EHBP1: variants seen among roughly 807,000 people sequenced by gnomAD.
EHBP1 encodes the protein EH domain binding protein 1.
In EHBP1, 55 loss-of-function variants were observed where a neutral mutation model predicts 144.0. The observed-to-expected ratio is 0.38, with a 90% CI of 0.31 to 0.48. EHBP1 has a LOEUF of 0.48. EHBP1 is among the 20% of genes least tolerant of loss of function. The pLI, the probability that EHBP1 is intolerant of heterozygous loss-of-function variation, is 0.98. For missense variants in EHBP1, 1,200 were observed against 1,364.2 expected, an observed-to-expected ratio of 0.88 and a Z score of 1.90; for synonymous variants, 469 against 472.7, an observed-to-expected ratio of 0.99 and a Z score of 0.10.
At chr2:62,969,243 A>G (rs1318891214) in intron 14 of EHBP1, among the ~76,000 whole-genome samples, 2 of 152,146 alleles carry the variant, frequency 1.3e-5, no homozygotes, top group South Asian at 4.1e-4. Context: ...AAGTAAATGA[A>G]TGAAAGAAAA....
intron 2 of EHBP1, among the ~76,000 whole-genome samples, chr2:62,733,932 T>G (rs138976026): frequency 4.4e-4 from 67 of 152,328 alleles, no homozygotes; most frequent in Non-Finnish European, 9.0e-4. Flanking sequence ...AAGTTGTGAT[T>G]CTCTTTGTCT....
At chr2:62,874,667 C>A (rs1445305175) in intron 10 of EHBP1, 135 bp downstream of exon 10, 3 of 676,206 alleles carry the variant, frequency 4.4e-6, no homozygotes, top group African/African-American at 1.8e-5. Context: ...ATCTATTGTA[C>A]TGCAACACTG....
chr2:62,802,576 A>G (rs1271169985), intron 5 of EHBP1, among the ~76,000 whole-genome samples: 1 of 152,182 alleles, frequency 6.6e-6, no homozygotes, highest in East Asian at 1.9e-4. Flanking sequence ...TATAAAAGAT[A>G]TAAACAATAA....
rs555957503 is a variant in EHBP1, at chr2:63,007,229, T to A, written c.3103+10463T>A. On this transcript the variant is annotated intron_variant, in intron 19 of 22. Coordinates refer to ENST00000431489, the MANE Select transcript of EHBP1 (RefSeq NM_001142616.3). Reference sequence around the variant, plus strand: ...GTAAGGGAAGAAAAAGTGTTTAGAGTATAATACCCTTCTGATTCTAATAGA... The same window carrying A: ...GTAAGGGAAGAAAAAGTGTTTAGAGAATAATACCCTTCTGATTCTAATAGA... Among the ~76,000 whole-genome samples the A allele has an allele frequency of 4.1e-4, 62 of 151,894 alleles. 1 individual carries two copies. The highest frequency in any genetic ancestry group is 6.9e-4 in the Non-Finnish European group (47 of 67,792).
chr2:63,020,451 C>G (rs1014086357), intron 19 of EHBP1, among the ~76,000 whole-genome samples: 2 of 149,498 alleles, frequency 1.3e-5, no homozygotes, highest in Non-Finnish European at 3.0e-5. Flanking sequence ...TGCAATGACC[C>G]GAGATTGTAC....
chr2:62,681,981 A>C (rs1412870953), intron 1 of EHBP1, among the ~76,000 whole-genome samples: 1 of 152,234 alleles, frequency 6.6e-6, no homozygotes, highest in Non-Finnish European at 1.5e-5. Context: ...ATGATCTCTA[A>C]GTTCCCCTAA....
At chr2:62,764,188 G>A in intron 3 of EHBP1, 78 bp from the exon 4 acceptor site, 1 of 999,616 alleles carries the variant, frequency 1.0e-6, no homozygotes, top group Non-Finnish European at 1.4e-6. Flanking sequence ...CATATTGAAG[G>A]TATCATTTTA....
chr2:62,945,473 TTTAAATC>T (rs2057007543), intron 12 of EHBP1, among the ~76,000 whole-genome samples: 1 of 152,220 alleles, frequency 6.6e-6, no homozygotes, highest in African/African-American at 2.4e-5. Context: ...TTAACAAGTC[TTTAAATC>T]AAAACAATTT....
Position 62,891,159 on chromosome 2 carries a change from A to C in EHBP1, c.1185+16627A>C, listed in dbSNP as rs76811290. Reference sequence around the variant, plus strand: ...GCCATTGCACTCCAGCCTGGGCGACAAAAAAAAAAAAAAAAGTCTCTATAT... The same window carrying C: ...GCCATTGCACTCCAGCCTGGGCGACCAAAAAAAAAAAAAAAGTCTCTATAT... On this transcript the variant is annotated intron_variant, in intron 10 of 22. Transcript: ENST00000431489. Among the ~76,000 whole-genome samples, 163 of 115,796 alleles carry C rather than the reference A, an allele frequency of 1.4e-3. 2 individuals carry two copies. Among genetic ancestry groups the C allele is most frequent in the Admixed American group, 2.6e-3 (31 of 12,102 alleles). The allele number at this position is 115,796 out of a possible 152,430, so 76.0% of individuals were successfully genotyped here.
At chr2:62,911,201 A>G (rs2152976878) in intron 10 of EHBP1, among the ~76,000 whole-genome samples, 1 of 152,308 alleles carries the variant, frequency 6.6e-6, no homozygotes, top group South Asian at 2.1e-4. Flanking sequence ...AGAGCAACTT[A>G]TTTAACCTCT....
intron 15 of EHBP1, chr2:62,988,076 TG>T: frequency 8.5e-7 from 1 of 1,171,788 alleles, no homozygotes; most frequent in Non-Finnish European, 1.3e-6. Context: ...TCCTGCTGCA[TG>T]GCAAACTTTA....
chr2:62,761,203 T>G (rs182324845), intron 3 of EHBP1, among the ~76,000 whole-genome samples: 144 of 152,170 alleles, frequency 9.5e-4, no homozygotes, highest in African/African-American at 3.3e-3. Flanking sequence ...TTTGTGGAGT[T>G]TTTGTTTTAG....
chr2:62,783,867 A>T (rs1330187361), intron 5 of EHBP1, among the ~76,000 whole-genome samples: 2 of 152,192 alleles, frequency 1.3e-5, no homozygotes, highest in East Asian at 3.8e-4. Context: ...GTTGGCTTGA[A>T]TTTCTGCCCA....
chr2:62,701,544 C>T (rs2034281782), upstream of EHBP1, among the ~76,000 whole-genome samples: 1 of 152,100 alleles, frequency 6.6e-6, no homozygotes, highest in Non-Finnish European at 1.5e-5. Context: ...TGTTTTTCTA[C>T]ATTCTGTTAT....
At chr2:62,968,776 C>A (rs1574289284) in intron 14 of EHBP1, among the ~76,000 whole-genome samples, 1 of 152,292 alleles carries the variant, frequency 6.6e-6, no homozygotes, top group Non-Finnish European at 1.5e-5. Context: ...GAATAATCAG[C>A]CTGTCATGAC....
chr2:62,878,646 G>T (rs1047499467), intron 10 of EHBP1, among the ~76,000 whole-genome samples: 26 of 152,174 alleles, frequency 1.7e-4, no homozygotes, highest in African/African-American at 5.5e-4. Flanking sequence ...TTCCTGGGAT[G>T]TAAGGTTGGT....
Position 62,916,872 on chromosome 2 carries a change from A to G in EHBP1, c.1186-25846A>G, listed in dbSNP as rs974558303. Among the ~76,000 whole-genome samples the G allele has an allele frequency of 8.0e-5, 12 of 150,826 alleles. No homozygotes were observed. The South Asian group carries it at 1.9e-3, about 24-fold the overall frequency. On this transcript the variant is annotated intron_variant, in intron 10 of 22. Transcript: ENST00000431489. Reference sequence around the variant, plus strand: ...ATTGTGTATATAAAATATAGCTATTATATACAGTATACAATTTAATAGCTA... The same window carrying G: ...ATTGTGTATATAAAATATAGCTATTGTATACAGTATACAATTTAATAGCTA...
At chr2:62,786,045 A>G (rs2042780446) in intron 5 of EHBP1, among the ~76,000 whole-genome samples, 1 of 152,212 alleles carries the variant, frequency 6.6e-6, no homozygotes, top group African/African-American at 2.4e-5. Flanking sequence ...TGTTATAAGC[A>G]GTGCAGCAAT....
chr2:62,674,576 G>A (rs534363700), intron 1 of EHBP1, among the ~76,000 whole-genome samples: 1 of 152,184 alleles, frequency 6.6e-6, no homozygotes, highest in Non-Finnish European at 1.5e-5. Context: ...AGTGATGCCT[G>A]TATAAGTTGA....
Sources: allele counts gnomAD v4.1 joint callset (sites outside exome capture counted in the v4.1 genomes callset), GRCh38; gene constraint gnomAD v4.1.1; transcripts MANE v1.5; gene names NCBI Gene and HGNC (gene_info 2026-07-23, HGNC 2026-07-21).